The following SOX6 variants were observed in gnomAD, a reference collection of about 807,000 sequenced individuals.
The protein encoded by SOX6 is SRY-box transcription factor 6.
In SOX6, 11 loss-of-function variants were observed where a neutral mutation model predicts 97.8. The ratio of observed to expected loss-of-function variants is 0.11; its 90% confidence interval spans 0.07 to 0.19. The LOEUF is 0.19. Among genes scored for constraint, SOX6 ranks in the 10% least tolerant of loss-of-function variants. The pLI, the probability that SOX6 is intolerant of heterozygous loss-of-function variation, is 1.00. For synonymous variants in SOX6, 360 were observed against 371.4 expected (o/e 0.97, Z 0.35); for missense variants, 810 against 1,039.5 (o/e 0.78, Z 3.04).
At chr11:16,151,186 T>A (rs1304764975) in intron 6 of SOX6, among the ~76,000 whole-genome samples, 1 of 152,104 alleles carries the variant, frequency 6.6e-6, no homozygotes, top group African/African-American at 2.4e-5. Flanking sequence ...ACATCTAAGA[T>A]GATTTAAAAG....
chr11:16,402,757 T>C (rs1858594155), intron 1 of SOX6: 1 of 1,608,376 alleles, frequency 6.2e-7, no homozygotes, highest in South Asian at 1.1e-5. Context: ...GCTAGAAATA[T>C]TAGGAAAAAA....
chr11:16,320,410 CATA>C (rs1855882634), intron 2 of SOX6, among the ~76,000 whole-genome samples: 2 of 152,068 alleles, frequency 1.3e-5, no homozygotes, highest in South Asian at 4.1e-4. Flanking sequence ...TATTAAATGA[CATA>C]ATAATTGTAC....
At chr11:16,597,822 G>A (rs1335799079) in intron 4 of SOX6, among the ~76,000 whole-genome samples, 1 of 151,892 alleles carries the variant, frequency 6.6e-6, no homozygotes, top group Non-Finnish European at 1.5e-5. Context: ...TCTTTTCTAG[G>A]CCTTAGAATT....
chr11:16,073,222 A>G (rs1003086398), intron 9 of SOX6, among the ~76,000 whole-genome samples: 2 of 152,202 alleles, frequency 1.3e-5, no homozygotes, highest in South Asian at 4.1e-4. Flanking sequence ...AGTGACACCC[A>G]TAGGCTAAAG....
chr11:16,548,676 G>A (rs1254122929), intron 4 of SOX6, among the ~76,000 whole-genome samples: 1 of 152,112 alleles, frequency 6.6e-6, no homozygotes, highest in Non-Finnish European at 1.5e-5. Context: ...GGCTGGGCAG[G>A]GAGTAGGAGG....
chr11:16,143,821 A>C (rs1850216500), intron 6 of SOX6, among the ~76,000 whole-genome samples: 1 of 152,234 alleles, frequency 6.6e-6, no homozygotes, highest in Non-Finnish European at 1.5e-5. Context: ...ATACATATGC[A>C]CCCAATACAG....
At chr11:16,526,360 A>T (rs1398166165) in intron 4 of SOX6, among the ~76,000 whole-genome samples, 2 of 152,132 alleles carry the variant, frequency 1.3e-5, no homozygotes, top group Non-Finnish European at 2.9e-5. Context: ...GGAAATCATC[A>T]TTCTCAGTAA....
intron 4 of SOX6, among the ~76,000 whole-genome samples, chr11:16,514,949 T>C (rs1860946504): frequency 6.6e-6 from 1 of 152,038 alleles, no homozygotes; most frequent in Admixed American, 6.6e-5. Context: ...TCTATCATTG[T>C]TGGACACTTG....
intron 3 of SOX6, among the ~76,000 whole-genome samples, chr11:16,676,454 A>G (rs1384250128): frequency 1.3e-5 from 2 of 152,176 alleles, no homozygotes; most frequent in East Asian, 3.8e-4. Context: ...TCCATGGGCC[A>G]TATGTTCTCA....
chr11:16,654,121 A>C (rs1847691593), intron 3 of SOX6, among the ~76,000 whole-genome samples: 1 of 152,132 alleles, frequency 6.6e-6, no homozygotes, highest in African/African-American at 2.4e-5. Context: ...ATAATAAGTG[A>C]TTTTGAGTTT....
intron 4 of SOX6, among the ~76,000 whole-genome samples, chr11:16,609,281 G>A (rs1377361870): frequency 6.6e-6 from 1 of 152,228 alleles, no homozygotes; most frequent in Non-Finnish European, 1.5e-5. Flanking sequence ...GACTAGATTT[G>A]AGAAACTGAG....
intron 3 of SOX6, among the ~76,000 whole-genome samples, chr11:16,625,332 G>A (rs576059959): frequency 2.6e-5 from 4 of 152,018 alleles, no homozygotes; most frequent in Admixed American, 2.6e-4. Context: ...TTTTTGTATA[G>A]TGTGATGTAC....
chr11:16,589,027 C>CA (rs1231972284), intron 4 of SOX6, among the ~76,000 whole-genome samples: 2 of 152,014 alleles, frequency 1.3e-5, no homozygotes, highest in Non-Finnish European at 2.9e-5. Context: ...AATCCCCTCC[C>CA]AAAAAAATAA....
intron 1 of SOX6, among the ~76,000 whole-genome samples, chr11:16,427,558 C>T (rs899114010): frequency 2.6e-5 from 4 of 151,850 alleles, no homozygotes; most frequent in Non-Finnish European, 5.9e-5. Context: ...CAATTCCCAC[C>T]TATGAGTGAG....
chr11:16,498,449 C>T (rs1284748345), intron 4 of SOX6, among the ~76,000 whole-genome samples: 2 of 151,976 alleles, frequency 1.3e-5, no homozygotes, highest in African/African-American at 2.4e-5. Flanking sequence ...ATCAAATTCA[C>T]ACATAACAAT....
At chr11:16,506,667 C>T (rs1437611261) in intron 4 of SOX6, among the ~76,000 whole-genome samples, 1 of 152,178 alleles carries the variant, frequency 6.6e-6, no homozygotes, top group Non-Finnish European at 1.5e-5. Context: ...TTGTACTCCC[C>T]AGTGTTGGAG....
intron 13 of SOX6, among the ~76,000 whole-genome samples, chr11:15,993,448 A>G (rs941730319): frequency 2.3e-5 from 3 of 128,928 alleles, no homozygotes; most frequent in African/African-American, 8.3e-5. Context: ...ATGATTTTTC[A>G]TGGAAAGCAG....
At chr11:16,207,329 G>A (rs1340074679) in intron 4 of SOX6, among the ~76,000 whole-genome samples, 2 of 152,098 alleles carry the variant, frequency 1.3e-5, no homozygotes, top group African/African-American at 4.8e-5. Flanking sequence ...TCGGCTGGGC[G>A]CGGTGGCTCA....
intron 3 of SOX6, among the ~76,000 whole-genome samples, chr11:16,258,234 T>C (rs907526679): frequency 1.3e-5 from 2 of 151,984 alleles, no homozygotes; most frequent in South Asian, 2.1e-4. Flanking sequence ...TAAAAACTTA[T>C]GTCCACACAA....
Sources: gnomAD v4.1 joint callset for allele counts (sites outside exome capture counted in the v4.1 genomes callset) on GRCh38, gnomAD v4.1.1 for gene constraint, MANE v1.5 for transcripts, NCBI Gene and HGNC (gene_info 2026-07-23, HGNC 2026-07-21) for gene names.